The following AEBP2 variants were observed in gnomAD, a reference collection of about 807,000 sequenced individuals.
AEBP2 encodes the protein zinc finger protein AEBP2.
In AEBP2, 10 loss-of-function variants were observed where a neutral mutation model predicts 50.8. The ratio of observed to expected loss-of-function variants is 0.20; its 90% CI spans 0.12 to 0.33. The LOEUF (loss-of-function observed/expected upper bound fraction) is 0.33, where lower values mean the gene tolerates loss of function less well. Among genes scored for constraint, AEBP2 ranks in the 10% least tolerant of loss-of-function variants. The pLI, the probability that AEBP2 is intolerant of heterozygous loss-of-function variation, is 1.00. For synonymous variants in AEBP2, 296 were observed against 261.3 expected, an observed-to-expected ratio of 1.13 and a Z score of -1.28; for missense variants, 570 against 688.0, an observed-to-expected ratio of 0.83 and a Z score of 1.92.
intron 3 of AEBP2, among the ~76,000 whole-genome samples, chr12:19,475,507 G>C (rs1948635686): frequency 6.6e-6 from 1 of 151,826 alleles, no homozygotes; most frequent in Non-Finnish European, 1.5e-5. Flanking sequence ...CTTATTGATT[G>C]AAGGGCACAC....
chr12:19,440,299 CG>C lies in AEBP2; in HGVS notation c.605del (p.Gly202AlafsTer15). 2 of 1,462,544 alleles carry C rather than the reference CG, an allele frequency of 1.4e-6. No individual in the cohort carries two copies. 90.6% of individuals were successfully genotyped at this position (1,462,544 alleles called of 1,614,324 possible). A position where few individuals can be genotyped will look rare whatever the true frequency, so the allele number is the denominator to read the frequency against. ...TGGGGSSATS[G>X]GRRGSLEMSS... Reference sequence around the variant, plus strand: ...GGGGAGGCGGAAGCAGCGCGACCTCCGGGGGCCGGCGGGGCAGCTTGGAGAT... The same window carrying C: ...GGGGAGGCGGAAGCAGCGCGACCTCCGGGGCCGGCGGGGCAGCTTGGAGAT... On this transcript the variant is annotated frameshift_variant, in exon 1 of 8. Transcript: ENST00000266508. LOFTEE classifies it high-confidence loss of function.
chr12:19,476,178 G>T (rs1948647856), intron 3 of AEBP2, among the ~76,000 whole-genome samples: 1 of 152,108 alleles, frequency 6.6e-6, no homozygotes, highest in African/African-American at 2.4e-5. Context: ...TTATCTTCCA[G>T]AATTTTTATG....
chr12:19,440,861 C>A, intron 1 of AEBP2: 4 of 1,122,854 alleles, frequency 3.6e-6, no homozygotes, highest in South Asian at 1.5e-5. Context: ...TCACTTTTCT[C>A]TACTTAAACA....
In AEBP2 at chr12:19,440,289, G is replaced by A; in HGVS notation, c.590G>A (p.Ser197Asn). Reference protein sequence around the residue: ...EGYGTGGGGSSATSGGRRGSL... With the variant: ...EGYGTGGGGSNATSGGRRGSL... Reference sequence around the variant, plus strand: ...TACGGGACTGGGGGAGGCGGAAGCAGCGCGACCTCCGGGGGCCGGCGGGGC... The same window carrying A: ...TACGGGACTGGGGGAGGCGGAAGCAACGCGACCTCCGGGGGCCGGCGGGGC... Residue 197 changes from serine to asparagine, a missense_variant, in exon 1 of 8, where the codon AGC becomes AAC. Around this residue, in one of 2 missense-constraint regions of AEBP2, gnomAD observed 386 missense variants for 336.8 expected, o/e 1.15. Transcript: ENST00000266508. 1 of 1,467,086 alleles carries A rather than the reference G, an allele frequency of 6.8e-7. No homozygotes were observed. The highest frequency in any genetic ancestry group is 1.4e-5 in the South Asian group (1 of 71,302). The allele number at this position is 1,467,086 out of a possible 1,614,324, so 90.9% of individuals were successfully genotyped here.
chr12:19,408,583 A>G (rs2153362970), intron 1 of AEBP2, among the ~76,000 whole-genome samples: 1 of 151,330 alleles, frequency 6.6e-6, no homozygotes, highest in African/African-American at 2.4e-5. Flanking sequence ...CACTTTCTGG[A>G]TTTAATGTGA....
At chr12:19,427,120 G>A (rs566480178) in intron 1 of AEBP2, among the ~76,000 whole-genome samples, 25 of 151,998 alleles carry the variant, frequency 1.6e-4, no homozygotes, top group South Asian at 1.0e-3. Context: ...GGCTTATGCC[G>A]CCTGTAATCC....
chr12:19,449,778 A>T (rs1405514814), intron 1 of AEBP2, among the ~76,000 whole-genome samples: 1 of 152,132 alleles, frequency 6.6e-6, no homozygotes, highest in Non-Finnish European at 1.5e-5. Flanking sequence ...ATTTTTTTTG[A>T]ATTATTTTAG....
chr12:19,438,087 T>C (rs1378894627), upstream of AEBP2, among the ~76,000 whole-genome samples: 1 of 152,188 alleles, frequency 6.6e-6, no homozygotes, highest in African/African-American at 2.4e-5. Flanking sequence ...TTCTTCCTCA[T>C]GCTAAATCTT....
chr12:19,408,287 T>C (rs1460003696), intron 1 of AEBP2, among the ~76,000 whole-genome samples: 3 of 152,074 alleles, frequency 2.0e-5, no homozygotes, highest in Admixed American at 6.6e-5. Flanking sequence ...CCGGGTGTGC[T>C]GGCTCATGCC....
At chr12:19,441,704 A>G (rs1336097680) in intron 1 of AEBP2, among the ~76,000 whole-genome samples, 1 of 152,202 alleles carries the variant, frequency 6.6e-6, no homozygotes, top group Non-Finnish European at 1.5e-5. Flanking sequence ...TAAACCTTAG[A>G]AAAATTGTGT....
intron 1 of AEBP2, among the ~76,000 whole-genome samples, chr12:19,408,828 G>A (rs993714025): frequency 6.6e-6 from 1 of 151,774 alleles, no homozygotes; most frequent in African/African-American, 2.4e-5. Flanking sequence ...GCTTGAACCC[G>A]GGAGGCAGAG....
intron 1 of AEBP2, among the ~76,000 whole-genome samples, chr12:19,414,867 G>C (rs2095741378): frequency 6.6e-6 from 1 of 151,364 alleles, no homozygotes; most frequent in African/African-American, 2.4e-5. Context: ...AGGTTTTAGT[G>C]AGCCGAGATT....
At chr12:19,473,462 A>G (rs568586470) in intron 3 of AEBP2, 107 bp downstream of exon 3, 14 of 383,378 alleles carry the variant, frequency 3.7e-5, no homozygotes, top group Non-Finnish European at 4.6e-5. Context: ...CTGGAGTGCA[A>G]TGGTGCCATC....
chr12:19,435,821 T>C (rs1305193603), upstream of AEBP2, among the ~76,000 whole-genome samples: 1 of 152,178 alleles, frequency 6.6e-6, no homozygotes, highest in Admixed American at 6.6e-5. Context: ...CGGCCAAACA[T>C]GAACCATAAT....
chr12:19,510,564 G>C (rs117630639), intron 5 of AEBP2, among the ~76,000 whole-genome samples: 1 of 152,064 alleles, frequency 6.6e-6, no homozygotes, highest in Non-Finnish European at 1.5e-5. Context: ...AAAATGAAGC[G>C]TACGTAACTT....
chr12:19,484,275 T>C (rs1216900775), intron 3 of AEBP2, among the ~76,000 whole-genome samples: 3 of 61,004 alleles, frequency 4.9e-5, no homozygotes, highest in Non-Finnish European at 1.0e-4. Context: ...TTTTTTTTTT[T>C]GGTATTTTTA....
chr12:19,518,613 A>G lies in AEBP2; in HGVS notation c.*496A>G, dbSNP rs946097401. On this transcript the variant is annotated 3_prime_UTR_variant, in exon 8 of 8. Coordinates refer to ENST00000266508, the MANE Select transcript of AEBP2 (RefSeq NM_153207.5). The stretch of plus-strand genomic sequence containing the variant: ...TTTAGACAATGAAAATTATCAAGAG[A>G]TAATTTACCTTTCAATTATGATAAA... 2 of 1,405,994 alleles carry G rather than the reference A, an allele frequency of 1.4e-6. No individual in the cohort carries two copies. The highest frequency in any genetic ancestry group is 1.4e-5 in the African/African-American group (1 of 69,808). The allele number at this position is 1,405,994 out of a possible 1,614,324, so 87.1% of individuals were successfully genotyped here. A position where few individuals can be genotyped will look rare whatever the true frequency, so the allele number is the denominator to read the frequency against.
chr12:19,500,774 G>A (rs373559901), intron 5 of AEBP2, among the ~76,000 whole-genome samples: 40 of 152,234 alleles, frequency 2.6e-4, no homozygotes, highest in African/African-American at 9.6e-4. Flanking sequence ...CACATGGTAG[G>A]CACTCAGTAT....
intron 5 of AEBP2, among the ~76,000 whole-genome samples, chr12:19,510,862 T>A (rs1949222241): frequency 8.9e-6 from 1 of 111,868 alleles, no homozygotes; most frequent in African/African-American, 3.5e-5. Flanking sequence ...TTTAAGGTAG[T>A]GACTTTTTTT....
Sources: allele counts gnomAD v4.1 joint callset (sites outside exome capture counted in the v4.1 genomes callset), GRCh38; gene constraint gnomAD v4.1.1; regional missense constraint gnomAD v4.1.1; transcripts MANE v1.5; gene names NCBI Gene and HGNC (gene_info 2026-07-23, HGNC 2026-07-21).